MIPOL1: variants seen among roughly 807,000 people sequenced by gnomAD.
The protein encoded by MIPOL1 is mirror-image polydactyly gene 1 protein.
A neutral mutation model predicts 60.9 loss-of-function variants in MIPOL1; 57 were observed. The observed-to-expected ratio is 0.94, with a 90% CI of 0.76 to 1.17. MIPOL1 has a LOEUF of 1.17. MIPOL1 is among the 50% of genes most tolerant of loss of function. The pLI, the probability that MIPOL1 is intolerant of heterozygous loss-of-function variation, is 0.00. For missense variants in MIPOL1, 551 were observed against 511.6 expected, an observed-to-expected ratio of 1.08 and a Z score of -0.74; for synonymous variants, 179 against 168.8, an observed-to-expected ratio of 1.06 and a Z score of -0.47.
rs957281784 is a variant in MIPOL1, at chr14:37,458,829, G to A, written c.1031+35880G>A. On this transcript the variant is annotated intron_variant, in intron 11 of 12. Transcript: ENST00000684589. ...ATTGTGCCGCTGCACTCCAGCCTGG[G>A]CAACAGAGAGAGACTGTCAATAAAT... 5.3e-5 allele frequency among the ~76,000 whole-genome samples: 8 copies of A among 150,020 alleles called. No individual in the cohort carries two copies. In the South Asian group the frequency reaches 1.3e-3, roughly 24 times the overall value.
At chr14:37,405,662 T>C (rs1166115820) in intron 10 of MIPOL1, among the ~76,000 whole-genome samples, 1 of 152,022 alleles carries the variant, frequency 6.6e-6, no homozygotes, top group African/African-American at 2.4e-5. Flanking sequence ...GAGAGACTTA[T>C]AAATTAATAT....
chr14:37,269,974 C>T (rs1299808090), intron 5 of MIPOL1, among the ~76,000 whole-genome samples: 3 of 152,006 alleles, frequency 2.0e-5, no homozygotes, highest in South Asian at 2.1e-4. Flanking sequence ...ATTACAGGTG[C>T]CCGCCACCAC....
chr14:37,256,375 A>T (rs1369985970), intron 3 of MIPOL1, among the ~76,000 whole-genome samples: 2 of 151,938 alleles, frequency 1.3e-5, no homozygotes, highest in East Asian at 1.9e-4. Flanking sequence ...TAAGATTTGG[A>T]ATATGGAGTA....
intron 7 of MIPOL1, among the ~76,000 whole-genome samples, chr14:37,287,963 T>G (rs183475557): frequency 6.1e-4 from 93 of 152,022 alleles, no homozygotes; most frequent in African/African-American, 2.1e-3. Context: ...ATTGACAAGA[T>G]CATGTGACTC....
chr14:37,381,799 A>G (rs979869804), intron 10 of MIPOL1, among the ~76,000 whole-genome samples: 1 of 151,616 alleles, frequency 6.6e-6, no homozygotes, highest in Non-Finnish European at 1.5e-5. Flanking sequence ...TATTTTGCCC[A>G]GGCTGGTCTG....
At chr14:37,217,675 G>T (rs1967982222) in intron 1 of MIPOL1, among the ~76,000 whole-genome samples, 2 of 152,154 alleles carry the variant, frequency 1.3e-5, no homozygotes, top group Admixed American at 1.3e-4. Flanking sequence ...GAAAAGATTT[G>T]ATAAAATTCA....
chr14:37,427,352 C>G (rs560068582), intron 11 of MIPOL1, among the ~76,000 whole-genome samples: 24 of 152,144 alleles, frequency 1.6e-4, no homozygotes, highest in African/African-American at 5.3e-4. Flanking sequence ...ATATGAGGTA[C>G]TTAAAATAGC....
At chr14:37,545,414 G>C (rs1393054553) in intron 12 of MIPOL1, among the ~76,000 whole-genome samples, 4 of 152,190 alleles carry the variant, frequency 2.6e-5, no homozygotes, top group Non-Finnish European at 4.4e-5. Context: ...ACTAGGGAAG[G>C]TTCAAGTATT....
chr14:37,467,062 C>G (rs892878326), intron 11 of MIPOL1, among the ~76,000 whole-genome samples: 1 of 152,134 alleles, frequency 6.6e-6, no homozygotes, highest in Non-Finnish European at 1.5e-5. Context: ...AATTCTGTTG[C>G]TTATAAATGT....
chr14:37,421,512 C>T (rs1165758666), intron 10 of MIPOL1, among the ~76,000 whole-genome samples: 1 of 152,070 alleles, frequency 6.6e-6, no homozygotes, highest in Non-Finnish European at 1.5e-5. Context: ...AGCTTGCATT[C>T]TTTGACGTTA....
chr14:37,307,804 A>G (rs148417755), intron 7 of MIPOL1, among the ~76,000 whole-genome samples: 82 of 152,182 alleles, frequency 5.4e-4, no homozygotes, highest in African/African-American at 1.9e-3. Context: ...GCACATATGA[A>G]CAATTGATCC....
intron 3 of MIPOL1, among the ~76,000 whole-genome samples, chr14:37,253,655 A>G (rs1350975482): frequency 1.3e-5 from 2 of 151,808 alleles, no homozygotes. Context: ...AAGTATTATG[A>G]ATCCTTAATA....
chr14:37,547,747 T>C lies in MIPOL1; in HGVS notation c.*776T>C, dbSNP rs1206857204. The C allele has an allele frequency of 1.3e-5, 2 of 152,466 alleles. No homozygotes were observed. The highest frequency in any genetic ancestry group is 2.9e-5 in the Non-Finnish European group (2 of 67,960). 9.4% of individuals were successfully genotyped at this position (152,466 alleles called of 1,614,324 possible). A position where few individuals can be genotyped will look rare whatever the true frequency, so the allele number is the denominator to read the frequency against. On this transcript the variant is annotated 3_prime_UTR_variant, in exon 13 of 13. Transcript: ENST00000684589. The stretch of plus-strand genomic sequence containing the variant: ...GCTATAAGTCTCTGTCATTTTTGCT[T>C]GAAAATTAGCATGCCTCTGTCTTAA...
intron 7 of MIPOL1, among the ~76,000 whole-genome samples, chr14:37,303,185 A>G (rs2086469657): frequency 6.6e-6 from 1 of 151,954 alleles, no homozygotes; most frequent in Non-Finnish European, 1.5e-5. Flanking sequence ...TGAAGTAGGT[A>G]TATTCATGTT....
intron 9 of MIPOL1, among the ~76,000 whole-genome samples, chr14:37,309,943 C>T (rs2087163281): frequency 6.6e-6 from 1 of 152,006 alleles, no homozygotes; most frequent in African/African-American, 2.4e-5. Context: ...CCCACCTCGC[C>T]CTCCGAAAAT....
intron 10 of MIPOL1, among the ~76,000 whole-genome samples, chr14:37,415,932 A>G (rs532682334): frequency 3.9e-5 from 6 of 152,248 alleles, no homozygotes; most frequent in African/African-American, 1.4e-4. Flanking sequence ...GTAGTACCAT[A>G]TTGTTAGGAC....
At chr14:37,271,897 A>G (rs2083325100) in intron 6 of MIPOL1, among the ~76,000 whole-genome samples, 1 of 151,616 alleles carries the variant, frequency 6.6e-6, no homozygotes, top group Non-Finnish European at 1.5e-5. Flanking sequence ...GTGTCTGCCC[A>G]GCCCATTTAT....
At chr14:37,366,592 C>T (rs1322213010) in intron 9 of MIPOL1, among the ~76,000 whole-genome samples, 1 of 151,900 alleles carries the variant, frequency 6.6e-6, no homozygotes, top group African/African-American at 2.4e-5. Context: ...TGAGAATGAT[C>T]CTTGTGCTGA....
rs188423289 is a variant in MIPOL1, at chr14:37,202,196, A to G, written c.-199+4092A>G. On this transcript the variant is annotated intron_variant, in intron 1 of 12. Coordinates refer to ENST00000684589, the MANE Select transcript of MIPOL1 (RefSeq NM_001388067.1). ...GCACATTTAGATATATGCTAATACT[A>G]ATGAAGGGTGTGAGGGTAATTTCAT... 2.7e-3 allele frequency among the ~76,000 whole-genome samples: 413 copies of G among 152,312 alleles called. 5 individuals carry two copies. Among genetic ancestry groups the G allele is most frequent in the Non-Finnish European group, 1.9e-3 (126 of 68,026 alleles).
Sources: gnomAD v4.1 joint callset for allele counts (sites outside exome capture counted in the v4.1 genomes callset) on GRCh38, gnomAD v4.1.1 for gene constraint, MANE v1.5 for transcripts, NCBI Gene and HGNC (gene_info 2026-07-23, HGNC 2026-07-21) for gene names.